Variants in CPNE9 observed in about 807,000 individuals in gnomAD.
CPNE9 encodes the protein copine-9.
In CPNE9, 59 loss-of-function variants were observed where a neutral mutation model predicts 83.0. The observed-to-expected ratio is 0.71, with a 90% CI of 0.58 to 0.88. The LOEUF (loss-of-function observed/expected upper bound fraction) is 0.88, where lower values mean the gene tolerates loss of function less well. Among genes scored for constraint, CPNE9 ranks in the 40% least tolerant of loss-of-function variants. The pLI is 0.00. For synonymous variants in CPNE9, 256 were observed against 273.4 expected, an observed-to-expected ratio of 0.94 and a Z score of 0.63; for missense variants, 619 against 720.8, an observed-to-expected ratio of 0.86 and a Z score of 1.62.
At chr3:9,727,216 C>T in intron 20 of CPNE9, 30 bp downstream of exon 20, 1 of 1,612,426 alleles carries the variant, frequency 6.2e-7, no homozygotes, top group Non-Finnish European at 8.5e-7. Context: ...GGCTGTGGAG[C>T]TGAGAGGCAC....
chr3:9,729,771 AC>A lies in CPNE9; in HGVS notation c.*82del. On this transcript the variant is annotated 3_prime_UTR_variant, in exon 21 of 21. Coordinates refer to ENST00000383832, the MANE Select transcript of CPNE9 (RefSeq NM_153635.3). Reference sequence around the variant, plus strand: ...CTGCTTTAAGCCAGAGGCACCTGGAACCCTGGACTTCACTGGGAGGGCCAAC... The same window carrying A: ...CTGCTTTAAGCCAGAGGCACCTGGAACCTGGACTTCACTGGGAGGGCCAAC... 6.7e-7 allele frequency: 1 copy of A among 1,491,022 alleles called. No homozygotes were observed. Among genetic ancestry groups the A allele is most frequent in the South Asian group, 1.3e-5 (1 of 76,164 alleles). The allele number at this position is 1,491,022 out of a possible 1,614,324, so 92.4% of individuals were successfully genotyped here.
chr3:9,707,027 T>C (rs1329968399), intron 7 of CPNE9, among the ~76,000 whole-genome samples: 1 of 152,048 alleles, frequency 6.6e-6, no homozygotes, highest in African/African-American at 2.4e-5. Flanking sequence ...ACATGGCGGC[T>C]TACAAAAGAT....
At position 9,727,295 on chromosome 3, in the gene CPNE9, G is replaced by A. The variant is rs944655495; in HGVS notation, c.1476+109G>A. 23 of 1,174,508 alleles carry A rather than the reference G, an allele frequency of 2.0e-5. 1 individual carries two copies. The highest frequency in any genetic ancestry group is 6.0e-5 in the African/African-American group (4 of 66,398). 72.8% of individuals were successfully genotyped at this position (1,174,508 alleles called of 1,614,324 possible). A position where few individuals can be genotyped will look rare whatever the true frequency, so the allele number is the denominator to read the frequency against. ...TCTCAGTCTCCTACTTTTTTCCCCC[G>A]TCACTCTTTCATCCTTTCTCATTCA... On this transcript the variant is annotated intron_variant, in intron 20 of 20. Transcript: ENST00000383832.
rs1012824612 is a variant in CPNE9, at chr3:9,726,047, T to A, written c.1340T>A (p.Val447Asp). 1.6e-5 allele frequency: 26 copies of A among 1,595,480 alleles called. No individual in the cohort carries two copies. Among genetic ancestry groups the A allele is most frequent in the Non-Finnish European group, 2.2e-5 (26 of 1,169,138 alleles). Residue 447 changes from valine (V) to aspartate (D), a missense_variant, in exon 18 of 21, where the codon GTC (valine) becomes GAC (aspartate). Coordinates refer to ENST00000383832, the MANE Select transcript of CPNE9 (RefSeq NM_153635.3). The stretch of plus-strand genomic sequence containing the variant: ...ATGACGCAGACCAAGGAGGCCATCG[T>A]CAGCGTGAGTCTGAGGAGGAGGGCT... ...SDMTQTKEAI[V>D]SASSLPMSII...
In CPNE9 at chr3:9,704,612, T is replaced by A; in HGVS notation, c.94T>A (p.Ser32Thr). The change falls in exon 2 of 21, where the codon TCC becomes ACC. Residue 32 changes from serine to threonine, a missense_variant. Physicochemically the swap from Ser to Thr is moderately conservative, Grantham distance 58. Around this residue, in one of 3 missense-constraint regions of CPNE9, gnomAD observed 130 missense variants for 117.5 expected, o/e 1.11. Coordinates refer to ENST00000383832, the MANE Select transcript of CPNE9 (RefSeq NM_153635.3). This position sits in a 1 kb window ranked among gnomAD's most constrained non-coding sequence, Gnocchi z 7.1. The stretch of plus-strand genomic sequence containing the variant: ...GAACCTGCTAGACCTTGATACCTTC[T>A]CCAAGTCCGACCCCAGTAGGCGGCT... ...CRNLLDLDTF[S>T]KSDPMVVLYT... 6.2e-7 allele frequency: 1 copy of A among 1,613,956 alleles called. No homozygotes were observed. The highest frequency in any genetic ancestry group is 8.5e-7 in the Non-Finnish European group (1 of 1,179,908).
At position 9,704,996 on chromosome 3, in the gene CPNE9, T is replaced by A; in HGVS notation, c.260+2T>A. On this transcript the variant is annotated splice_donor_variant, in intron 4 of 20. Coordinates refer to ENST00000383832, the MANE Select transcript of CPNE9 (RefSeq NM_153635.3). LOFTEE classifies it high-confidence loss of function. This position sits in a 1 kb window ranked among gnomAD's most constrained non-coding sequence, Gnocchi z 7.1. The stretch of plus-strand genomic sequence containing the variant: ...AAAGCAAAATCTGCGCTTCGATGTG[T>A]GAGGCCCCGCCTGGAATTCTGGCTT... The A allele has an allele frequency of 6.2e-7, 1 of 1,603,666 alleles. No homozygotes were observed. Among genetic ancestry groups the A allele is most frequent in the Non-Finnish European group, 8.5e-7 (1 of 1,174,196 alleles).
chr3:9,729,451 C>T, intron 20 of CPNE9, 56 bp from the exon 21 acceptor site: 1 of 1,518,606 alleles, frequency 6.6e-7, no homozygotes, highest in Non-Finnish European at 8.9e-7. Flanking sequence ...CCTGCTGCAC[C>T]CCCATGCCCT....
chr3:9,721,221 G>A (rs900393585), intron 17 of CPNE9, among the ~76,000 whole-genome samples: 6 of 152,156 alleles, frequency 3.9e-5, no homozygotes, highest in Non-Finnish European at 7.3e-5. Context: ...ATTACCTTCT[G>A]TAGACCAGAG....
chr3:9,707,680 G>A (rs529107608), intron 7 of CPNE9, among the ~76,000 whole-genome samples: 1 of 151,026 alleles, frequency 6.6e-6, no homozygotes, highest in African/African-American at 2.4e-5. Flanking sequence ...AGCTACTTGG[G>A]AGGCTGAGGT....
intron 17 of CPNE9, among the ~76,000 whole-genome samples, chr3:9,718,849 T>C (rs2076709402): frequency 6.7e-6 from 1 of 149,716 alleles, no homozygotes; most frequent in African/African-American, 2.5e-5. Context: ...TTTTTTTTTT[T>C]TTTTTTGAGA....
In CPNE9 at chr3:9,729,660, C is replaced by G. The variant is rs781347345; in HGVS notation, c.1630C>G (p.Pro544Ala). 4.5e-5 allele frequency: 72 copies of G among 1,613,850 alleles called. No individual in the cohort carries two copies. Among genetic ancestry groups the G allele is most frequent in the Non-Finnish European group, 6.1e-5 (72 of 1,179,782 alleles). ...GCCTCGGCCCCCACCCCCTGCCAAC[C>G]CCAGCCCGATCCCAGCTCCAGAGCA... ...IQPRPPPPANPSPIPAPEQP is the reference protein window; with the variant it reads ...IQPRPPPPANASPIPAPEQP The change falls in exon 21 of 21, where the codon CCC becomes GCC. Residue 544 changes from proline to alanine, a missense_variant. This residue lies in a region of CPNE9 where 51 missense variants were observed against 40.4 expected (regional missense o/e 1.26). Coordinates refer to ENST00000383832, the MANE Select transcript of CPNE9 (RefSeq NM_153635.3).
chr3:9,726,791 T>C, intron 19 of CPNE9, 69 bp downstream of exon 19: 1 of 1,401,614 alleles, frequency 7.1e-7, no homozygotes. Flanking sequence ...GGTCGGGTAC[T>C]TGGGCCTGCC....
In CPNE9 at chr3:9,704,760, T is replaced by C. The variant is rs376552260; in HGVS notation, c.121T>C (p.Tyr41His). Residue 41 changes from tyrosine to histidine, a missense_variant, in exon 3 of 21, where the codon TAC (tyrosine) becomes CAC (histidine). Transcript: ENST00000383832. This position sits in a 1 kb window ranked among gnomAD's most constrained non-coding sequence, Gnocchi z 7.1. ...FSKSDPMVVL[Y>H]TQSRASQEWR... ...GCCCCCACCTGCAGTGGTGGTGCTT[T>C]ACACGCAGAGCCGGGCCAGCCAGGA... The C allele has an allele frequency of 3.1e-6, 5 of 1,612,098 alleles. No individual in the cohort carries two copies. In the African/African-American group the frequency reaches 6.7e-5, roughly 22 times the overall value.
chr3:9,704,236 G>A lies in CPNE9; in HGVS notation c.68+172G>A, dbSNP rs931002201. On this transcript the variant is annotated intron_variant, in intron 1 of 20. Transcript: ENST00000383832. This position sits in a 1 kb window ranked among gnomAD's most constrained non-coding sequence, Gnocchi z 7.1. ...GTGGGATCGAGAAGCGGGGGGTCTT[G>A]GGCAGCCCCACCCCGAAAAAAGGGC... 2.6e-4 allele frequency among the ~76,000 whole-genome samples: 39 copies of A among 152,192 alleles called. No individual in the cohort carries two copies. The highest frequency in any genetic ancestry group is 4.4e-4 in the Non-Finnish European group (30 of 68,030).
At chr3:9,706,359 C>G (rs192635170) in intron 7 of CPNE9, among the ~76,000 whole-genome samples, 18 of 152,096 alleles carry the variant, frequency 1.2e-4, no homozygotes, top group Non-Finnish European at 2.4e-4. Context: ...TTCCAAGCCC[C>G]TCTCCACAGG....
chr3:9,729,144 G>A (rs2076808429), intron 20 of CPNE9, among the ~76,000 whole-genome samples: 1 of 152,118 alleles, frequency 6.6e-6, no homozygotes, highest in South Asian at 2.1e-4. Flanking sequence ...ATCAAGAGTG[G>A]GACGTGTCCA....
intron 17 of CPNE9, 135 bp downstream of exon 17, chr3:9,718,737 A>C: frequency 1.1e-5 from 12 of 1,061,780 alleles, no homozygotes; most frequent in Non-Finnish European, 1.5e-5. Flanking sequence ...ATGGTGGCTC[A>C]TACCTGTAAT....
chr3:9,718,800 A>C (rs1017130609), intron 17 of CPNE9, among the ~76,000 whole-genome samples, 198 bp downstream of exon 17: 5 of 151,410 alleles, frequency 3.3e-5, no homozygotes, highest in Non-Finnish European at 1.5e-5. Context: ...TAGGAGTTCA[A>C]GACCAACTTA....
chr3:9,718,373 C>A, intron 16 of CPNE9, 102 bp from the exon 17 acceptor site: 1 of 1,487,592 alleles, frequency 6.7e-7, no homozygotes, highest in Non-Finnish European at 9.2e-7. Context: ...TGGAGGGGAG[C>A]ATGAAAGGGA....
Sources: allele counts gnomAD v4.1 joint callset (sites outside exome capture counted in the v4.1 genomes callset), GRCh38; gene constraint gnomAD v4.1.1; regional missense constraint gnomAD v4.1.1; non-coding constraint Gnocchi (gnomAD v3.1); transcripts MANE v1.5; gene names NCBI Gene and HGNC (gene_info 2026-07-23, HGNC 2026-07-21).